Variants in NCOR1 observed in about 807,000 individuals in gnomAD.
NCOR1 encodes nuclear receptor corepressor 1.
In NCOR1, 63 loss-of-function variants were observed where a neutral mutation model predicts 288.1. The observed-to-expected ratio is 0.22, with a 90% CI of 0.18 to 0.27. The LOEUF (loss-of-function observed/expected upper bound fraction) is 0.27, where lower values mean the gene tolerates loss of function less well. Ranked by LOEUF, NCOR1 falls within the 10% of genes least tolerant of loss-of-function variation. The pLI is 1.00. For synonymous variants in NCOR1, 1,007 were observed against 1,065.9 expected (o/e 0.94, Z 1.08); for missense variants, 2,397 against 3,019.2 (o/e 0.79, Z 4.83).
chr17:16,123,067 G>C (rs1389789123), intron 15 of NCOR1, among the ~76,000 whole-genome samples: 3 of 152,044 alleles, frequency 2.0e-5, no homozygotes, highest in Non-Finnish European at 4.4e-5. Context: ...AAAGACTCAG[G>C]CTTATCTTCC....
intron 3 of NCOR1, among the ~76,000 whole-genome samples, chr17:16,173,673 T>C (rs2083524166): frequency 6.6e-6 from 1 of 152,184 alleles, no homozygotes; most frequent in Admixed American, 6.5e-5. Flanking sequence ...CTCACACCTG[T>C]CATCCCAGCA....
chr17:16,075,824 CACAT>C lies in NCOR1; in HGVS notation c.3502-126_3502-123del, dbSNP rs576042904. On this transcript the variant is annotated intron_variant, in intron 26 of 45. Coordinates refer to ENST00000268712, the MANE Select transcript of NCOR1 (RefSeq NM_006311.4). The stretch of plus-strand genomic sequence containing the variant: ...ATCTATAGCTTCAAAGAAGAAAGCA[CACAT>C]ACATGAAAGGAAATTAGACATTGAA... The C allele has an allele frequency of 1.1e-4, 113 of 1,031,346 alleles. No homozygotes were observed. In the African/African-American group the frequency reaches 1.7e-3, roughly 16 times the overall value. The allele number at this position is 1,031,346 out of a possible 1,614,324, so 63.9% of individuals were successfully genotyped here.
At chr17:16,055,629 AGT>A (rs2152531158) in intron 40 of NCOR1, among the ~76,000 whole-genome samples, 1 of 152,314 alleles carries the variant, frequency 6.6e-6, no homozygotes, top group South Asian at 2.1e-4. Context: ...CCACGACTCA[AGT>A]TTACCTATAT....
At chr17:16,041,422 TC>T (rs1267650299) in intron 42 of NCOR1, 5 of 148,022 alleles carry the variant, frequency 3.4e-5, no homozygotes, top group Non-Finnish European at 4.5e-5. Context: ...TTTTTTTTTT[TC>T]CTTTGAGATG....
chr17:16,075,352 C>T (rs1381416808), intron 27 of NCOR1, among the ~76,000 whole-genome samples, 182 bp downstream of exon 27: 4 of 152,146 alleles, frequency 2.6e-5, no homozygotes, highest in Non-Finnish European at 5.9e-5. Context: ...TACTTTTTAT[C>T]GACTAAGCTG....
intron 42 of NCOR1, chr17:16,044,995 T>C: frequency 4.3e-6 from 2 of 462,886 alleles, no homozygotes; most frequent in South Asian, 2.3e-5. Context: ...AAAGCTGAAC[T>C]TAAGAAAAAA....
intron 18 of NCOR1, among the ~76,000 whole-genome samples, chr17:16,114,164 A>C (rs2071038383): frequency 6.6e-6 from 1 of 151,016 alleles, no homozygotes; most frequent in Admixed American, 6.6e-5. Context: ...AAAAAAAAAA[A>C]AAAAACTTGT....
intron 21 of NCOR1, among the ~76,000 whole-genome samples, chr17:16,097,773 G>A (rs1598568019): frequency 6.6e-6 from 1 of 152,182 alleles, no homozygotes; most frequent in African/African-American, 2.4e-5. Flanking sequence ...AGAGTCGGAG[G>A]AATCCCCAGT....
intron 11 of NCOR1, among the ~76,000 whole-genome samples, chr17:16,140,450 G>C (rs2076988614): frequency 6.6e-6 from 1 of 152,148 alleles, no homozygotes; most frequent in Non-Finnish European, 1.5e-5. Context: ...GACTGCTTGA[G>C]CCCAGGAGTC....
In NCOR1 at chr17:16,172,033, T is replaced by C. The variant is rs2083226616; in HGVS notation, c.243-38A>G. On this transcript the variant is annotated intron_variant, in intron 3 of 45. Coordinates refer to ENST00000268712, the MANE Select transcript of NCOR1 (RefSeq NM_006311.4). ...AAGAAAATAAACACTTGAAAATTTG[T>C]AAGTGATGTACAACTCCCTGGTAAC... 3.4e-6 allele frequency: 5 copies of C among 1,477,052 alleles called. No individual in the cohort carries two copies. The East Asian group carries it at 7.0e-5, about 21-fold the overall frequency. 91.5% of individuals were successfully genotyped at this position (1,477,052 alleles called of 1,614,324 possible). A position where few individuals can be genotyped will look rare whatever the true frequency, so the allele number is the denominator to read the frequency against.
intron 1 of NCOR1, among the ~76,000 whole-genome samples, chr17:16,196,818 C>G (rs2089912194): frequency 8.2e-6 from 1 of 121,696 alleles, no homozygotes; most frequent in Middle Eastern, 4.7e-3. Context: ...GAGCAAGACT[C>G]TGTCTCAAAA....
chr17:16,133,334 A>G (rs2075936853), intron 14 of NCOR1, among the ~76,000 whole-genome samples: 1 of 152,188 alleles, frequency 6.6e-6, no homozygotes, highest in Non-Finnish European at 1.5e-5. Context: ...GGAGTAGAGG[A>G]TAGGGAGAGT....
At position 16,145,503 on chromosome 17, in the gene NCOR1, C is replaced by T. The variant is rs1402932364; in HGVS notation, c.1082+873G>A. Among the ~76,000 whole-genome samples, 3 of 147,080 alleles carry T rather than the reference C, an allele frequency of 2.0e-5. 1 individual carries two copies. The highest frequency in any genetic ancestry group is 4.6e-5 in the Non-Finnish European group (3 of 64,950). On this transcript the variant is annotated intron_variant, in intron 10 of 45. Coordinates refer to ENST00000268712, the MANE Select transcript of NCOR1 (RefSeq NM_006311.4). Reference sequence around the variant, plus strand: ...CTGGGATGTGAGGAGCGCCTCTGCCCGGCCACGACCCCGTCTGGGAACTGA... The same window carrying T: ...CTGGGATGTGAGGAGCGCCTCTGCCTGGCCACGACCCCGTCTGGGAACTGA...
chr17:16,152,063 A>G, intron 7 of NCOR1, 65 bp from the exon 8 acceptor site: 1 of 1,133,646 alleles, frequency 8.8e-7, no homozygotes. Context: ...AGACAAAGAA[A>G]CATAATTTTA....
intron 11 of NCOR1, among the ~76,000 whole-genome samples, chr17:16,141,412 A>T (rs1201951880): frequency 6.6e-6 from 1 of 152,212 alleles, no homozygotes; most frequent in Admixed American, 6.5e-5. Flanking sequence ...ACAATCTGAG[A>T]AGTAAAATGG....
Position 16,070,667 on chromosome 17 carries a change from C to G in NCOR1, c.4153-142G>C, listed in dbSNP as rs887247109. The G allele has an allele frequency of 1.8e-5, 19 of 1,083,668 alleles. No homozygotes were observed. In the African/African-American group the frequency reaches 2.5e-4, roughly 14 times the overall value. 67.1% of individuals were successfully genotyped at this position (1,083,668 alleles called of 1,614,324 possible). A position where few individuals can be genotyped will look rare whatever the true frequency, so the allele number is the denominator to read the frequency against. ...TTTACAAATCTCAATCACAACCCCA[C>G]TGATCCCAAGCTGCATACTTTCCCA... On this transcript the variant is annotated intron_variant, in intron 30 of 45. Coordinates refer to ENST00000268712, the MANE Select transcript of NCOR1 (RefSeq NM_006311.4).
At chr17:16,209,826 C>T (rs2091947779) in intron 1 of NCOR1, among the ~76,000 whole-genome samples, 1 of 151,964 alleles carries the variant, frequency 6.6e-6, no homozygotes, top group South Asian at 2.1e-4. Context: ...GTGGCATATG[C>T]CTGTAATCCC....
chr17:16,212,818 T>C (rs1365206720), intron 1 of NCOR1, among the ~76,000 whole-genome samples: 1 of 151,832 alleles, frequency 6.6e-6, no homozygotes, highest in Non-Finnish European at 1.5e-5. Context: ...ACCCCTATCA[T>C]CCTAGCACTT....
At chr17:16,194,055 T>TATACAAATCTTCCTACC (rs2089228800) in intron 2 of NCOR1, among the ~76,000 whole-genome samples, 1 of 152,206 alleles carries the variant, frequency 6.6e-6, no homozygotes, top group Admixed American at 6.5e-5. Flanking sequence ...TCCTACCTAC[T>TATACAAATCTTCCTACC]ATACAAATCT....
Sources: gnomAD v4.1 joint callset for allele counts (sites outside exome capture counted in the v4.1 genomes callset) on GRCh38, gnomAD v4.1.1 for gene constraint, MANE v1.5 for transcripts, NCBI Gene and HGNC (gene_info 2026-07-23, HGNC 2026-07-21) for gene names.